IQCM: variants seen among roughly 807,000 people sequenced by gnomAD.
The protein encoded by IQCM is IQ domain-containing protein M.
In IQCM, 45 loss-of-function variants were observed where a neutral mutation model predicts 57.6. The ratio of observed to expected loss-of-function variants is 0.78; its 90% CI spans 0.62 to 1.00. The LOEUF (loss-of-function observed/expected upper bound fraction) is 1.00. Among genes scored for constraint, IQCM ranks in the 50% least tolerant of loss-of-function variants. IQCM has a pLI of 0.00. For synonymous variants in IQCM, 148 were observed against 158.9 expected (o/e 0.93, Z 0.51); for missense variants, 468 against 511.6 (o/e 0.91, Z 0.82).
chr4:149,449,388 A>AAT (rs928506259), intron 12 of IQCM, among the ~76,000 whole-genome samples: 2 of 145,556 alleles, frequency 1.4e-5, no homozygotes, highest in African/African-American at 2.5e-5. Context: ...TTATATATAT[A>AAT]ATATATATAT....
chr4:149,692,651 G>C (rs1014721879), intron 5 of IQCM, among the ~76,000 whole-genome samples: 1 of 152,036 alleles, frequency 6.6e-6, no homozygotes, highest in Admixed American at 6.6e-5. Context: ...AGAGTTAAAG[G>C]AGATCTCTAA....
chr4:149,359,390 T>C (rs1279277922), intron 13 of IQCM, among the ~76,000 whole-genome samples: 1 of 152,186 alleles, frequency 6.6e-6, no homozygotes, highest in Non-Finnish European at 1.5e-5. Flanking sequence ...AATTTAGCCT[T>C]ATATTTTTTG....
chr4:149,481,939 TTTC>T (rs1740947803), intron 12 of IQCM, among the ~76,000 whole-genome samples: 1 of 150,972 alleles, frequency 6.6e-6, no homozygotes, highest in Non-Finnish European at 1.5e-5. Flanking sequence ...GGGGGTTGGT[TTTC>T]TTCAATTTTT....
At chr4:149,432,678 T>C (rs1734985011) in intron 13 of IQCM, among the ~76,000 whole-genome samples, 3 of 151,892 alleles carry the variant, frequency 2.0e-5, no homozygotes, top group African/African-American at 4.8e-5. Context: ...AAAGATACTA[T>C]TAAAAGACAG....
chr4:149,416,992 TA>T (rs1445651320), intron 13 of IQCM, among the ~76,000 whole-genome samples: 10 of 152,112 alleles, frequency 6.6e-5, no homozygotes, highest in African/African-American at 2.4e-4. Flanking sequence ...ATATATAAAA[TA>T]ACTGAGGAAT....
rs1206010899 is a variant in IQCM at position 149,429,167 on chromosome 4, C to T, written c.1390+4229G>A. Reference sequence around the variant, plus strand: ...CAAGGTTAAAAATTTGCCAAAGTCACAAAAGCTTAACGAAGGAGAGAAACA... The same window carrying T: ...CAAGGTTAAAAATTTGCCAAAGTCATAAAAGCTTAACGAAGGAGAGAAACA... On this transcript the variant is annotated intron_variant, in intron 13 of 13. Transcript: ENST00000636793. Among the ~76,000 whole-genome samples, 3 of 151,734 alleles carry T rather than the reference C, an allele frequency of 2.0e-5. No homozygotes were observed. In the East Asian group the frequency reaches 5.8e-4, roughly 29 times the overall value.
At chr4:149,471,836 T>C (rs1280267699) in intron 12 of IQCM, among the ~76,000 whole-genome samples, 1 of 152,174 alleles carries the variant, frequency 6.6e-6, no homozygotes, top group African/African-American at 2.4e-5. Context: ...TTAATAAACG[T>C]AATCCATCAT....
chr4:149,562,196 G>C (rs535571354), intron 10 of IQCM, among the ~76,000 whole-genome samples: 2 of 152,314 alleles, frequency 1.3e-5, no homozygotes, highest in African/African-American at 4.8e-5. Context: ...GGTAATAATA[G>C]TGGAATTTTT....
rs1407767320 is a variant in IQCM at position 149,607,783 on chromosome 4, C to T, written c.681+13346G>A. 4.6e-5 allele frequency among the ~76,000 whole-genome samples: 7 copies of T among 151,206 alleles called. No homozygotes were observed. In the South Asian group the frequency reaches 6.3e-4, roughly 14 times the overall value. On this transcript the variant is annotated intron_variant, in intron 8 of 13. Transcript: ENST00000636793. ...ACAAAACAAAAATCTATTTTAGATA[C>T]GTAACATTTTAAGAAAAGAAACTAA...
At chr4:149,540,309 A>G (rs2726776) in intron 12 of IQCM, among the ~76,000 whole-genome samples, 31,649 of 148,722 alleles carry the variant, frequency 0.21, 4,225 homozygotes, top group Non-Finnish European at 0.28. Context: ...AGTATGTGGG[A>G]TTGCAATGAA....
rs998104353 is a variant in IQCM at position 149,642,237 on chromosome 4, C to A, written c.566-20993G>T. Among the ~76,000 whole-genome samples the A allele has an allele frequency of 2.5e-4, 38 of 152,028 alleles. 1 individual carries two copies. The highest frequency in any genetic ancestry group is 2.2e-3 in the Admixed American group (33 of 15,266). On this transcript the variant is annotated intron_variant, in intron 7 of 13. Coordinates refer to ENST00000636793, the MANE Select transcript of IQCM (RefSeq NM_001363507.2). ...AACAATAGAATTATAGTATATTTTG[C>A]CAGCATAATTTTACTACCTCATGTT... is the stretch of plus-strand genomic sequence containing the variant.
intron 12 of IQCM, among the ~76,000 whole-genome samples, chr4:149,468,481 G>A (rs1460775200): frequency 1.3e-5 from 2 of 152,220 alleles, no homozygotes; most frequent in South Asian, 4.1e-4. Flanking sequence ...CAGCCAGGAA[G>A]CTCAAACTGG....
chr4:149,399,574 A>G (rs1176067159), intron 13 of IQCM, among the ~76,000 whole-genome samples: 1 of 152,108 alleles, frequency 6.6e-6, no homozygotes, highest in African/African-American at 2.4e-5. Flanking sequence ...AGGCATTTGT[A>G]ATTACATTTT....
chr4:149,517,465 A>T (rs940942361), intron 12 of IQCM, among the ~76,000 whole-genome samples: 1 of 152,152 alleles, frequency 6.6e-6, no homozygotes. Context: ...GGAGAGTTGT[A>T]TTGTTAGGCA....
At chr4:149,362,903 G>A (rs539174097) in intron 13 of IQCM, among the ~76,000 whole-genome samples, 1 of 152,318 alleles carries the variant, frequency 6.6e-6, no homozygotes, top group South Asian at 2.1e-4. Flanking sequence ...GAGTATTTCA[G>A]TCTTGTTCCA....
chr4:149,506,831 C>T (rs1245105792), intron 12 of IQCM, among the ~76,000 whole-genome samples: 1 of 152,108 alleles, frequency 6.6e-6, no homozygotes, highest in Non-Finnish European at 1.5e-5. Flanking sequence ...CCTGCTCTGA[C>T]ACTGCAGTGT....
At chr4:149,634,546 T>C (rs2150101741) in intron 7 of IQCM, among the ~76,000 whole-genome samples, 1 of 152,360 alleles carries the variant, frequency 6.6e-6, no homozygotes, top group East Asian at 1.9e-4. Context: ...CGTATGGTCA[T>C]GTTTCAAAAC....
chr4:149,659,668 A>G (rs1334738650), intron 7 of IQCM, among the ~76,000 whole-genome samples: 1 of 152,192 alleles, frequency 6.6e-6, no homozygotes, highest in Non-Finnish European at 1.5e-5. Flanking sequence ...GCCCTCAGAA[A>G]TAACACCGCA....
chr4:149,654,391 G>T (rs1256236988), intron 7 of IQCM, among the ~76,000 whole-genome samples: 1 of 152,060 alleles, frequency 6.6e-6, no homozygotes, highest in East Asian at 1.9e-4. Flanking sequence ...GTTCTTGGTA[G>T]ATGTGGTTGT....
Sources: allele counts gnomAD v4.1 joint callset (sites outside exome capture counted in the v4.1 genomes callset), GRCh38; gene constraint gnomAD v4.1.1; transcripts MANE v1.5; gene names NCBI Gene and HGNC (gene_info 2026-07-23, HGNC 2026-07-21).